The following PLXDC2 variants were observed in gnomAD, a reference collection of about 807,000 sequenced individuals.
The protein encoded by PLXDC2 is plexin domain containing 2.
A neutral mutation model predicts 68.9 loss-of-function variants in PLXDC2; 40 were observed. That is an observed-to-expected ratio of 0.58 (90% CI 0.45 to 0.76). PLXDC2 has a LOEUF of 0.76. Ranked by LOEUF, PLXDC2 falls within the 30% of genes least tolerant of loss-of-function variation. The pLI, the probability that PLXDC2 is intolerant of heterozygous loss-of-function variation, is 0.00. For missense variants in PLXDC2, 644 were observed against 661.9 expected, an observed-to-expected ratio of 0.97 and a Z score of 0.30; for synonymous variants, 243 against 234.2, an observed-to-expected ratio of 1.04 and a Z score of -0.34.
intron 13 of PLXDC2, 137 bp downstream of exon 13, chr10:20,245,642 TG>T: frequency 1.0e-6 from 1 of 994,704 alleles, no homozygotes; most frequent in East Asian, 2.5e-5. Context: ...CACACATGGA[TG>T]TTGTCCCCCA....
chr10:19,965,187 A>G (rs1414309941), intron 1 of PLXDC2, among the ~76,000 whole-genome samples: 3 of 152,206 alleles, frequency 2.0e-5, no homozygotes, highest in East Asian at 3.9e-4. Context: ...TAGATGATCC[A>G]TTAGAATCTT....
chr10:20,196,384 A>G (rs1238941600), intron 9 of PLXDC2, among the ~76,000 whole-genome samples: 1 of 152,172 alleles, frequency 6.6e-6, no homozygotes, highest in Non-Finnish European at 1.5e-5. Context: ...AGCACTTCCC[A>G]TAAGCACTTC....
intron 9 of PLXDC2, among the ~76,000 whole-genome samples, chr10:20,207,019 A>G (rs1019889926): frequency 1.3e-5 from 2 of 152,142 alleles, no homozygotes; most frequent in East Asian, 3.9e-4. Context: ...TCTTGTGCTT[A>G]TAATTGCTTT....
chr10:20,277,719 A>C (rs990385570), intron 13 of PLXDC2, among the ~76,000 whole-genome samples: 27 of 152,224 alleles, frequency 1.8e-4, no homozygotes, highest in Admixed American at 1.2e-3. Context: ...AATAAGATCA[A>C]ATGTTTAAAA....
At chr10:20,198,828 G>C (rs889585171) in intron 9 of PLXDC2, among the ~76,000 whole-genome samples, 1 of 152,058 alleles carries the variant, frequency 6.6e-6, no homozygotes, top group African/African-American at 2.4e-5. Flanking sequence ...GGCAGAAAGC[G>C]ATTAATGATT....
chr10:20,196,698 A>G (rs529094064), intron 9 of PLXDC2, among the ~76,000 whole-genome samples: 1 of 152,316 alleles, frequency 6.6e-6, no homozygotes, highest in African/African-American at 2.4e-5. Flanking sequence ...CAAGTTTTGC[A>G]GTTGTTAAAT....
chr10:20,041,209 A>G (rs1835676523), intron 2 of PLXDC2, among the ~76,000 whole-genome samples: 1 of 152,156 alleles, frequency 6.6e-6, no homozygotes, highest in African/African-American at 2.4e-5. Flanking sequence ...TAGGCATTAC[A>G]TTTTTAAGTT....
intron 12 of PLXDC2, among the ~76,000 whole-genome samples, chr10:20,220,704 G>A (rs1835198286): frequency 6.6e-6 from 1 of 152,126 alleles, no homozygotes; most frequent in Admixed American, 6.5e-5. Flanking sequence ...GCCAAGCATT[G>A]TTGCTGGCTT....
chr10:19,874,552 A>C (rs1034843055), intron 1 of PLXDC2, among the ~76,000 whole-genome samples: 3 of 152,214 alleles, frequency 2.0e-5, no homozygotes, highest in African/African-American at 7.2e-5. Context: ...GGTCTAAGAG[A>C]AGAATAAGTA....
In PLXDC2 at chr10:20,283,322, G is replaced by T. The variant is rs1443619059; in HGVS notation, c.*3503G>T. 2.6e-5 allele frequency: 4 copies of T among 152,158 alleles called. No individual in the cohort carries two copies. The allele number at this position is 152,158 out of a possible 1,614,324, so 9.4% of individuals were successfully genotyped here. A position where few individuals can be genotyped will look rare whatever the true frequency, so the allele number is the denominator to read the frequency against. On this transcript the variant is annotated 3_prime_UTR_variant, in exon 14 of 14. Transcript: ENST00000377252. ...GGAAAAGAAAAACAATTTTTGTCCTGTCTTTCTTGCAAGATTATTATGCAA... is the reference window on the plus strand; with the variant it reads ...GGAAAAGAAAAACAATTTTTGTCCTTTCTTTCTTGCAAGATTATTATGCAA...
chr10:19,830,968 A>G (rs1339093449), intron 1 of PLXDC2, among the ~76,000 whole-genome samples: 2 of 150,576 alleles, frequency 1.3e-5, no homozygotes, highest in South Asian at 2.1e-4. Flanking sequence ...TGTAAGCTCT[A>G]TGAGGGTAGG....
At chr10:20,124,916 T>TG (rs1342410117) in intron 4 of PLXDC2, among the ~76,000 whole-genome samples, 2 of 152,170 alleles carry the variant, frequency 1.3e-5, no homozygotes, top group African/African-American at 4.8e-5. Context: ...TGGCTCAGCT[T>TG]GGGCTCAGAG....
chr10:19,823,609 G>A (rs1836519358), intron 1 of PLXDC2, among the ~76,000 whole-genome samples: 1 of 151,860 alleles, frequency 6.6e-6, no homozygotes, highest in South Asian at 2.1e-4. Flanking sequence ...CTTGACCCGG[G>A]AGGTGGAGGT....
chr10:20,172,904 A>C (rs961647827), intron 7 of PLXDC2, among the ~76,000 whole-genome samples: 1 of 152,212 alleles, frequency 6.6e-6, no homozygotes, highest in African/African-American at 2.4e-5. Flanking sequence ...GTTTTATTGA[A>C]TGCCTAATGA....
chr10:20,232,158 A>G (rs757209871), intron 12 of PLXDC2, among the ~76,000 whole-genome samples: 89 of 152,318 alleles, frequency 5.8e-4, no homozygotes, highest in Non-Finnish European at 1.1e-3. Context: ...GTAACAATAA[A>G]CCAAAACATG....
At chr10:19,855,890 C>A (rs1837202193) in intron 1 of PLXDC2, among the ~76,000 whole-genome samples, 1 of 151,986 alleles carries the variant, frequency 6.6e-6, no homozygotes, top group Non-Finnish European at 1.5e-5. Flanking sequence ...TCAAGACCAT[C>A]CTGGCTAACA....
chr10:20,245,393 C>A lies in PLXDC2; in HGVS notation c.1361C>A (p.Ala454Asp). The A allele has an allele frequency of 6.2e-7, 1 of 1,614,092 alleles. No homozygotes were observed. Among genetic ancestry groups the A allele is most frequent in the Non-Finnish European group, 8.5e-7 (1 of 1,179,980 alleles). Residue 454 changes from alanine to aspartate, a missense_variant, in exon 13 of 14, where the codon GCT becomes GAT. By Grantham distance (126) the Ala-to-Asp change is moderately radical. This residue lies in a region of PLXDC2 where 330 missense variants were observed against 327.9 expected (regional missense o/e 1.01). Coordinates refer to ENST00000377252, the MANE Select transcript of PLXDC2 (RefSeq NM_032812.9). ...GAGAAGAAAGGGGGAACCCTCCACGCTGGCCTCATCATTGGAATCCTCATC... is the reference window on the plus strand; with the variant it reads ...GAGAAGAAAGGGGGAACCCTCCACGATGGCCTCATCATTGGAATCCTCATC... ...AAEKKGGTLH[A>D]GLIIGILILV...
At chr10:19,898,405 C>T (rs1838100179) in intron 1 of PLXDC2, among the ~76,000 whole-genome samples, 1 of 152,202 alleles carries the variant, frequency 6.6e-6, no homozygotes, top group South Asian at 2.1e-4. Flanking sequence ...GAATTTTACA[C>T]TATATAGTGT....
intron 3 of PLXDC2, among the ~76,000 whole-genome samples, chr10:20,050,685 A>G (rs188870852): frequency 6.6e-6 from 1 of 151,964 alleles, no homozygotes; most frequent in Non-Finnish European, 1.5e-5. Context: ...AATGGCTATT[A>G]TTAAAAAGTA....
Sources: gnomAD v4.1 joint callset for allele counts (sites outside exome capture counted in the v4.1 genomes callset) on GRCh38, gnomAD v4.1.1 for gene constraint, gnomAD v4.1.1 regional missense constraint, MANE v1.5 for transcripts, NCBI Gene and HGNC (gene_info 2026-07-23, HGNC 2026-07-21) for gene names.